CORO2B: variants seen among roughly 807,000 people sequenced by gnomAD.
The protein encoded by CORO2B is coronin 2B.
In CORO2B, 26 loss-of-function variants were observed where a neutral mutation model predicts 58.8. The observed-to-expected ratio is 0.44, with a 90% CI of 0.32 to 0.61. CORO2B has a LOEUF of 0.61. Ranked by LOEUF, CORO2B falls within the 20% of genes least tolerant of loss-of-function variation. The probability of loss-of-function intolerance (pLI) is 0.04; values close to 1 mark genes in which losing one functional copy is unlikely to be tolerated. For synonymous variants in CORO2B, 242 were observed against 253.8 expected (o/e 0.95, Z 0.44); for missense variants, 460 against 645.1 (o/e 0.71, Z 3.11).
chr15:68,657,845 C>T (rs551110519), intron 2 of CORO2B, among the ~76,000 whole-genome samples: 3 of 152,330 alleles, frequency 2.0e-5, no homozygotes, highest in Admixed American at 2.0e-4. Context: ...CCTACCCAGA[C>T]TCACAAACCT....
At chr15:68,590,930 C>T (rs1391891772) in intron 1 of CORO2B, among the ~76,000 whole-genome samples, 2 of 152,184 alleles carry the variant, frequency 1.3e-5, no homozygotes, top group Admixed American at 1.3e-4. Flanking sequence ...CCGCCTTCCC[C>T]ATCCCTACCC....
At chr15:68,642,686 GC>G (rs886417487) in intron 1 of CORO2B, among the ~76,000 whole-genome samples, 2 of 152,102 alleles carry the variant, frequency 1.3e-5, no homozygotes, top group African/African-American at 2.4e-5. Context: ...ACAGAGCAGT[GC>G]CCCACCCCCA....
chr15:68,582,030 A>AAGAGGATC (rs1433539432), intron 1 of CORO2B, among the ~76,000 whole-genome samples: 2 of 152,186 alleles, frequency 1.3e-5, no homozygotes, highest in African/African-American at 4.8e-5. Context: ...AGGAAAGCAG[A>AAGAGGATC]TGGCAAGTTG....
chr15:68,521,853 G>A, the CORO2B span, among the ~76,000 whole-genome samples: 1 of 151,358 alleles, frequency 6.6e-6, no homozygotes, highest in African/African-American at 2.4e-5. Flanking sequence ...GCAAGTAGAT[G>A]GGTTAGGAAT....
intron 1 of CORO2B, among the ~76,000 whole-genome samples, chr15:68,621,994 G>A (rs1900537012): frequency 6.6e-6 from 1 of 151,872 alleles, no homozygotes; most frequent in Non-Finnish European, 1.5e-5. Context: ...TCAAACTCCT[G>A]GGCTCAAGTG....
chr15:68,665,338 A>G lies in CORO2B; in HGVS notation c.216+19978A>G, dbSNP rs183641628. ...GACTGTCCATTATTTTCTACTTAATAGTCTTGTTATTCATGTACCAGTACC... is the reference window on the plus strand; with the variant it reads ...GACTGTCCATTATTTTCTACTTAATGGTCTTGTTATTCATGTACCAGTACC... On this transcript the variant is annotated intron_variant, in intron 2 of 11. Transcript: ENST00000261861. Among the ~76,000 whole-genome samples the G allele has an allele frequency of 6.4e-4, 98 of 152,180 alleles. No individual in the cohort carries two copies. The East Asian group carries it at 0.017, about 26-fold the overall frequency.
chr15:68,723,272 C>T (rs893184432), intron 11 of CORO2B, among the ~76,000 whole-genome samples: 29 of 150,606 alleles, frequency 1.9e-4, no homozygotes, highest in African/African-American at 6.6e-4. Context: ...CAGGTACCCA[C>T]CACCATGCCT....
At chr15:68,570,708 T>C in the CORO2B span, among the ~76,000 whole-genome samples, 1 of 151,366 alleles carries the variant, frequency 6.6e-6, no homozygotes, top group Non-Finnish European at 1.5e-5. Flanking sequence ...GTATTTCCCT[T>C]AGGGAAGGAA....
chr15:68,602,927 T>C (rs1900019897), intron 1 of CORO2B, among the ~76,000 whole-genome samples: 1 of 152,226 alleles, frequency 6.6e-6, no homozygotes, highest in Non-Finnish European at 1.5e-5. Flanking sequence ...AATTTTGTTT[T>C]CTTGGGGCAG....
At chr15:68,602,220 C>T (rs937098) in intron 1 of CORO2B, among the ~76,000 whole-genome samples, 35,650 of 151,812 alleles carry the variant, frequency 0.23, 6,537 homozygotes, top group African/African-American at 0.51. Flanking sequence ...GGGGGAACTG[C>T]TGACTGGCTT....
At chr15:68,721,984 C>G (rs68024154) in intron 11 of CORO2B, among the ~76,000 whole-genome samples, 25,969 of 152,086 alleles carry the variant, frequency 0.17, 2,759 homozygotes, top group Non-Finnish European at 0.23. Context: ...AACTCCTGGG[C>G]TCAAACAGTC....
the CORO2B span, among the ~76,000 whole-genome samples, chr15:68,535,306 C>T: frequency 1.3e-5 from 2 of 152,202 alleles, no homozygotes; most frequent in Non-Finnish European, 2.9e-5. Context: ...AATCAACAAC[C>T]AAGGTTATAA....
intron 2 of CORO2B, among the ~76,000 whole-genome samples, chr15:68,678,134 C>T (rs1256503186): frequency 6.6e-6 from 1 of 152,210 alleles, no homozygotes; most frequent in East Asian, 1.9e-4. Context: ...TTGTACAGCA[C>T]CCGTGCCACT....
the CORO2B span, among the ~76,000 whole-genome samples, chr15:68,531,936 G>A: frequency 3.3e-5 from 5 of 151,912 alleles, no homozygotes; most frequent in South Asian, 2.1e-4. Flanking sequence ...ACTGAATATA[G>A]AATTCTAGGT....
chr15:68,588,626 C>G (rs985470787), intron 1 of CORO2B, among the ~76,000 whole-genome samples: 1 of 152,140 alleles, frequency 6.6e-6, no homozygotes, highest in Non-Finnish European at 1.5e-5. Flanking sequence ...TCCCGATGCC[C>G]CCAGCGCTCA....
the CORO2B span, among the ~76,000 whole-genome samples, chr15:68,534,822 T>G: frequency 1.3e-5 from 2 of 152,196 alleles, no homozygotes; most frequent in Admixed American, 6.5e-5. Context: ...TCCATGTGGC[T>G]GGGGAGGCCT....
chr15:68,703,150 CTTTT>C (rs57404468), intron 3 of CORO2B, among the ~76,000 whole-genome samples: 41 of 100,122 alleles, frequency 4.1e-4, no homozygotes, highest in South Asian at 3.7e-3. Context: ...TTCTTTTTTT[CTTTT>C]TTTTTTTTTT....
intron 1 of CORO2B, among the ~76,000 whole-genome samples, chr15:68,636,168 AAC>A (rs1397851370): frequency 2.0e-5 from 3 of 152,228 alleles, no homozygotes; most frequent in African/African-American, 7.2e-5. Flanking sequence ...GTAAGCACTA[AAC>A]ACACGTTGGC....
chr15:68,573,560 C>T, the CORO2B span, among the ~76,000 whole-genome samples: 1 of 151,848 alleles, frequency 6.6e-6, no homozygotes, highest in Non-Finnish European at 1.5e-5. Context: ...AGGTGCAAAG[C>T]ATGGAAAGGT....
Sources: allele counts gnomAD v4.1 joint callset (sites outside exome capture counted in the v4.1 genomes callset), GRCh38; gene constraint gnomAD v4.1.1; transcripts MANE v1.5; gene names NCBI Gene and HGNC (gene_info 2026-07-23, HGNC 2026-07-21).